CNTN3: variants seen among roughly 807,000 people sequenced by gnomAD.
CNTN3 encodes the protein contactin-3.
CNTN3 carries 60 observed loss-of-function variants against 119.1 expected under a neutral mutation model. The ratio of observed to expected loss-of-function variants is 0.50; its 90% CI spans 0.41 to 0.62. The LOEUF (loss-of-function observed/expected upper bound fraction) is 0.62. Among genes scored for constraint, CNTN3 ranks in the 20% least tolerant of loss-of-function variants. The pLI, the probability that CNTN3 is intolerant of heterozygous loss-of-function variation, is 0.00. For missense variants in CNTN3, 1,101 were observed against 1,242.4 expected, an observed-to-expected ratio of 0.89 and a Z score of 1.71; for synonymous variants, 450 against 438.7, an observed-to-expected ratio of 1.03 and a Z score of -0.32.
intron 19 of CNTN3, among the ~76,000 whole-genome samples, chr3:74,294,226 A>G (rs543582259): frequency 2.6e-5 from 4 of 152,280 alleles, no homozygotes; most frequent in African/African-American, 9.6e-5. Context: ...GAATCCCACA[A>G]TGTCATTGCT....
At chr3:74,388,571 T>C (rs538739047) in intron 5 of CNTN3, among the ~76,000 whole-genome samples, 93 of 152,274 alleles carry the variant, frequency 6.1e-4, no homozygotes, top group African/African-American at 2.1e-3. Context: ...CAAAAATCTA[T>C]AAAATAAATC....
chr3:74,389,947 T>C (rs28547116), intron 5 of CNTN3, among the ~76,000 whole-genome samples: 5,437 of 152,284 alleles, frequency 0.036, 309 homozygotes, highest in African/African-American at 0.12. Context: ...CTGAAAGACA[T>C]AATTAGGATT....
In CNTN3 at chr3:74,560,925, C is replaced by CA. The variant is rs1421943781; in HGVS notation, c.-80-39734dup. ...CATTCTCAGCAAACTATCGCAAGGA[C>CA]AAAAAAAACCAAACACTGCACGTTC... On this transcript the variant is annotated intron_variant, in intron 1 of 22. Coordinates refer to ENST00000263665, the MANE Select transcript of CNTN3 (RefSeq NM_020872.3). Among the ~76,000 whole-genome samples the CA allele has an allele frequency of 4.7e-5, 7 of 147,410 alleles. No homozygotes were observed. The East Asian group carries it at 1.4e-3, about 30-fold the overall frequency.
chr3:74,312,866 T>G (rs1702728056), intron 13 of CNTN3, among the ~76,000 whole-genome samples: 1 of 152,126 alleles, frequency 6.6e-6, no homozygotes, highest in East Asian at 1.9e-4. Context: ...GCAGGAATGC[T>G]GGAATTATGA....
At chr3:74,315,500 C>T (rs1156820189) in intron 13 of CNTN3, among the ~76,000 whole-genome samples, 1 of 152,088 alleles carries the variant, frequency 6.6e-6, no homozygotes, top group African/African-American at 2.4e-5. Context: ...TTTTCTCAAG[C>T]TCATATGGAA....
intron 4 of CNTN3, among the ~76,000 whole-genome samples, chr3:74,486,232 G>A (rs1191932489): frequency 1.3e-5 from 2 of 149,668 alleles, no homozygotes; most frequent in Non-Finnish European, 3.0e-5. Flanking sequence ...ACCCCTACAT[G>A]CACACATGCA....
chr3:74,488,630 T>A lies in CNTN3; in HGVS notation c.183-1999A>T, dbSNP rs35474866. 2.3e-3 allele frequency among the ~76,000 whole-genome samples: 344 copies of A among 152,164 alleles called. 2 individuals are homozygous for A. The highest frequency in any genetic ancestry group is 7.9e-3 in the African/African-American group (329 of 41,538). On this transcript the variant is annotated intron_variant, in intron 3 of 22. Coordinates refer to ENST00000263665, the MANE Select transcript of CNTN3 (RefSeq NM_020872.3). ...ATGGGTGAGTTTATAAGTTTAATCC[T>A]TACTGCTCAAAGTTTATTTTATCAT...
chr3:74,525,450 A>G (rs754371466), intron 1 of CNTN3, among the ~76,000 whole-genome samples: 1 of 151,864 alleles, frequency 6.6e-6, no homozygotes, highest in African/African-American at 2.4e-5. Flanking sequence ...ATTGCCATGT[A>G]TCATCACGGA....
chr3:74,331,311 G>A (rs1323358883), intron 13 of CNTN3, among the ~76,000 whole-genome samples: 3 of 152,100 alleles, frequency 2.0e-5, no homozygotes, highest in Non-Finnish European at 2.9e-5. Flanking sequence ...AGCATTCAGG[G>A]CAGTGGCATG....
At chr3:74,448,499 G>A (rs544910833) in intron 4 of CNTN3, among the ~76,000 whole-genome samples, 19 of 152,106 alleles carry the variant, frequency 1.2e-4, no homozygotes, top group Non-Finnish European at 2.2e-4. Flanking sequence ...TATCTGACAA[G>A]TATGTAGCAT....
At chr3:74,450,454 C>G (rs558187474) in intron 4 of CNTN3, among the ~76,000 whole-genome samples, 3 of 150,732 alleles carry the variant, frequency 2.0e-5, no homozygotes, top group African/African-American at 7.3e-5. Flanking sequence ...AAAAAGGCTG[C>G]AAACAACCTA....
chr3:74,496,014 T>A (rs1392558552), intron 3 of CNTN3, among the ~76,000 whole-genome samples: 1 of 152,066 alleles, frequency 6.6e-6, no homozygotes, highest in African/African-American at 2.4e-5. Context: ...TACTGTCAAA[T>A]ACAGTGGCAA....
At chr3:74,515,246 C>T (rs546733049) in intron 2 of CNTN3, among the ~76,000 whole-genome samples, 1 of 151,982 alleles carries the variant, frequency 6.6e-6, no homozygotes, top group Non-Finnish European at 1.5e-5. Context: ...AGACACTGCA[C>T]AGTTGAAATG....
chr3:74,417,691 T>C (rs1026775695), intron 5 of CNTN3, among the ~76,000 whole-genome samples: 1 of 152,196 alleles, frequency 6.6e-6, no homozygotes, highest in East Asian at 1.9e-4. Flanking sequence ...AAATGGTCTA[T>C]AGAGTACAAC....
chr3:74,499,844 A>C, intron 2 of CNTN3, 59 bp from the exon 3 acceptor site: 1 of 1,507,952 alleles, frequency 6.6e-7, no homozygotes, highest in South Asian at 1.3e-5. Flanking sequence ...GTAAAAAGTT[A>C]CATTCCAGTA....
chr3:74,351,760 G>A (rs1559559165), intron 11 of CNTN3, among the ~76,000 whole-genome samples: 1 of 152,152 alleles, frequency 6.6e-6, no homozygotes, highest in South Asian at 2.1e-4. Flanking sequence ...GGGTATTAGA[G>A]AGAGGAGGTG....
intron 5 of CNTN3, among the ~76,000 whole-genome samples, chr3:74,388,653 T>G (rs748138182): frequency 6.6e-6 from 1 of 152,176 alleles, no homozygotes; most frequent in Non-Finnish European, 1.5e-5. Flanking sequence ...AAATAGTCTT[T>G]GAATACACAA....
chr3:74,319,195 C>T (rs1208934978), intron 13 of CNTN3, among the ~76,000 whole-genome samples: 1 of 152,096 alleles, frequency 6.6e-6, no homozygotes, highest in East Asian at 1.9e-4. Context: ...CAAAAAAGAG[C>T]CGGCGTCGCC....
At chr3:74,463,759 T>A (rs1014649512) in intron 4 of CNTN3, among the ~76,000 whole-genome samples, 12 of 152,152 alleles carry the variant, frequency 7.9e-5, no homozygotes, top group African/African-American at 2.9e-4. Flanking sequence ...GCATGTCTTA[T>A]TCAAACCCTT....
Sources: gnomAD v4.1 joint callset for allele counts (sites outside exome capture counted in the v4.1 genomes callset) on GRCh38, gnomAD v4.1.1 for gene constraint, MANE v1.5 for transcripts, NCBI Gene and HGNC (gene_info 2026-07-23, HGNC 2026-07-21) for gene names.